COIL: variants seen among roughly 807,000 people sequenced by gnomAD.
COIL encodes the protein coilin.
Under a neutral mutation model 51.6 loss-of-function variants are expected in COIL, and 28 were observed. The observed-to-expected ratio is 0.54, with a 90% CI of 0.40 to 0.74. The LOEUF (loss-of-function observed/expected upper bound fraction) is 0.74. Among genes scored for constraint, COIL ranks in the 30% least tolerant of loss-of-function variants. COIL has a pLI of 0.00. For synonymous variants in COIL, 233 were observed against 255.8 expected, an observed-to-expected ratio of 0.91 and a Z score of 0.85; for missense variants, 667 against 685.9, an observed-to-expected ratio of 0.97 and a Z score of 0.31.
Position 56,942,026 on chromosome 17 carries a change from C to A in COIL, c.1647+9G>T, listed in dbSNP as rs1295396512. ...TGGCCAAGCAACGCAAGAAGAGAAG[C>A]ACACCTACCTTGCTCTCCTGTGTCA... is the stretch of plus-strand genomic sequence containing the variant. On this transcript the variant is annotated intron_variant, in intron 6 of 6. Transcript: ENST00000240316. The A allele has an allele frequency of 3.1e-6, 5 of 1,609,698 alleles. No individual in the cohort carries two copies. The highest frequency in any genetic ancestry group is 4.3e-6 in the Non-Finnish European group (5 of 1,175,966).
At chr17:56,953,641 T>C (rs1910425866) in intron 1 of COIL, among the ~76,000 whole-genome samples, 1 of 152,134 alleles carries the variant, frequency 6.6e-6, no homozygotes, top group Non-Finnish European at 1.5e-5. Context: ...CAATCATATT[T>C]GAAAATAAAG....
At chr17:56,947,577 T>A (rs1003248010) in intron 4 of COIL, among the ~76,000 whole-genome samples, 2 of 152,130 alleles carry the variant, frequency 1.3e-5, no homozygotes. Flanking sequence ...TTCAAGTGAT[T>A]CTTGTGCCTC....
chr17:56,941,694 T>C (rs868604436), intron 6 of COIL, among the ~76,000 whole-genome samples: 1 of 152,368 alleles, frequency 6.6e-6, no homozygotes, highest in Middle Eastern at 3.4e-3. Flanking sequence ...TACATGGGTA[T>C]GTTCATGTGA....
chr17:56,943,212 T>C (rs1354936471), intron 5 of COIL, among the ~76,000 whole-genome samples: 2 of 152,230 alleles, frequency 1.3e-5, no homozygotes, highest in African/African-American at 4.8e-5. Flanking sequence ...TGAAACTGCT[T>C]TCTACATTTT....
At chr17:56,947,408 A>C (rs1910271012) in intron 4 of COIL, among the ~76,000 whole-genome samples, 1 of 152,214 alleles carries the variant, frequency 6.6e-6, no homozygotes, top group African/African-American at 2.4e-5. Context: ...AATCTTCAAA[A>C]AATTTTGCCA....
At chr17:56,948,301 AT>A (rs927786680) in intron 4 of COIL, among the ~76,000 whole-genome samples, 45 of 145,550 alleles carry the variant, frequency 3.1e-4, no homozygotes, top group Middle Eastern at 3.6e-3. Flanking sequence ...TGCCCCGCTA[AT>A]TTTTTTTTTT....
intron 5 of COIL, among the ~76,000 whole-genome samples, chr17:56,946,134 A>T (rs1352793348): frequency 6.6e-6 from 1 of 152,202 alleles, no homozygotes; most frequent in African/African-American, 2.4e-5. Context: ...CTCATCCATA[A>T]TTTCATAGCA....
intron 6 of COIL, among the ~76,000 whole-genome samples, chr17:56,941,516 G>C (rs1476297726): frequency 6.6e-6 from 1 of 152,230 alleles, no homozygotes; most frequent in Non-Finnish European, 1.5e-5. Context: ...GTTGCAGTGA[G>C]CCAAGATCAT....
At chr17:56,941,949 G>A in intron 6 of COIL, 86 bp downstream of exon 6, 1 of 1,071,466 alleles carries the variant, frequency 9.3e-7, no homozygotes, top group Non-Finnish European at 1.4e-6. Flanking sequence ...CCCAGGGCCT[G>A]TAGTGCAATG....
chr17:56,956,711 C>A (rs1285455635), intron 1 of COIL, among the ~76,000 whole-genome samples: 2 of 152,152 alleles, frequency 1.3e-5, no homozygotes, highest in African/African-American at 4.8e-5. Flanking sequence ...CCCACCTCAG[C>A]CCCTCAAGCA....
At chr17:56,939,275 C>T in intron 6 of COIL, 121 bp from the exon 7 acceptor site, 1 of 647,722 alleles carries the variant, frequency 1.5e-6, no homozygotes, top group East Asian at 2.7e-5. Context: ...ATTTGGGTTC[C>T]AATAAACTGA....
chr17:56,952,844 C>T (rs1173625609), intron 1 of COIL, among the ~76,000 whole-genome samples: 1 of 151,748 alleles, frequency 6.6e-6, no homozygotes, highest in African/African-American at 2.4e-5. Context: ...TCTGAATAAC[C>T]CTACTTCATC....
intron 1 of COIL, among the ~76,000 whole-genome samples, chr17:56,953,890 C>G (rs977204098): frequency 6.6e-6 from 1 of 152,134 alleles, no homozygotes; most frequent in African/African-American, 2.4e-5. Flanking sequence ...AAAACACATT[C>G]CCCTCTGTTC....
At chr17:56,958,614 T>G (rs1019079793) in intron 1 of COIL, among the ~76,000 whole-genome samples, 1 of 152,136 alleles carries the variant, frequency 6.6e-6, no homozygotes, top group African/African-American at 2.4e-5. Flanking sequence ...TTATGAAGAA[T>G]GTAATGCCCA....
At chr17:56,943,411 C>T (rs1910184443) in intron 5 of COIL, among the ~76,000 whole-genome samples, 1 of 152,234 alleles carries the variant, frequency 6.6e-6, no homozygotes, top group Non-Finnish European at 1.5e-5. Context: ...ATTTCTTCTA[C>T]AGACTCTCCT....
intron 1 of COIL, among the ~76,000 whole-genome samples, chr17:56,959,941 C>A (rs1310579949): frequency 3.3e-5 from 5 of 152,230 alleles, no homozygotes; most frequent in Admixed American, 2.6e-4. Flanking sequence ...TCCAGCCAGG[C>A]GCGGAGGCTC....
At chr17:56,954,953 A>T (rs1420400845) in intron 1 of COIL, among the ~76,000 whole-genome samples, 1 of 152,230 alleles carries the variant, frequency 6.6e-6, no homozygotes, top group Non-Finnish European at 1.5e-5. Flanking sequence ...GATCACAGAC[A>T]AAGAATAGAG....
At chr17:56,948,789 T>A (rs1002205830) in intron 4 of COIL, among the ~76,000 whole-genome samples, 1 of 149,038 alleles carries the variant, frequency 6.7e-6, no homozygotes, top group Non-Finnish European at 1.5e-5. Context: ...GGTTACCTGA[T>A]AATGCAGAAG....
chr17:56,939,633 G>A (rs749939757), intron 6 of COIL, among the ~76,000 whole-genome samples: 5 of 152,106 alleles, frequency 3.3e-5, no homozygotes, highest in Middle Eastern at 3.4e-3. Flanking sequence ...CCAGCTACTC[G>A]GAAGGCTGAG....
Sources: gnomAD v4.1 joint callset for allele counts (sites outside exome capture counted in the v4.1 genomes callset) on GRCh38, gnomAD v4.1.1 for gene constraint, MANE v1.5 for transcripts, NCBI Gene and HGNC (gene_info 2026-07-23, HGNC 2026-07-21) for gene names.